The following COL25A1 variants were observed in gnomAD, a reference collection of about 807,000 sequenced individuals.
COL25A1 encodes the protein collagen alpha-1(XXV) chain.
In COL25A1, 103 loss-of-function variants were observed where a neutral mutation model predicts 128.4. That is an observed-to-expected ratio of 0.80 (90% CI 0.68 to 0.94). The LOEUF (loss-of-function observed/expected upper bound fraction) is 0.94. Among genes scored for constraint, COL25A1 ranks in the 40% least tolerant of loss-of-function variants. The pLI, the probability that COL25A1 is intolerant of heterozygous loss-of-function variation, is 0.00. For synonymous variants in COL25A1, 279 were observed against 277.2 expected (o/e 1.01, Z -0.06); for missense variants, 745 against 840.0 (o/e 0.89, Z 1.40).
chr4:109,170,165 T>C (rs1041479828), intron 3 of COL25A1, among the ~76,000 whole-genome samples: 3 of 152,094 alleles, frequency 2.0e-5, no homozygotes, highest in Admixed American at 6.6e-5. Context: ...AAGGAGAAAA[T>C]TAAACAGTAT....
rs572880154 is a variant in COL25A1 at position 108,973,103 on chromosome 4, G to A, written c.492+1264C>T. On this transcript the variant is annotated intron_variant, in intron 8 of 37. Coordinates refer to ENST00000399132, the MANE Select transcript of COL25A1 (RefSeq NM_198721.4). The stretch of plus-strand genomic sequence containing the variant: ...GGAAGTTGAGTGATTTTGATATTGC[G>A]TGTAGAAAGAAATGATACTCGATAT... Among the ~76,000 whole-genome samples the A allele has an allele frequency of 2.9e-3, 438 of 152,246 alleles. 1 individual carries two copies. The highest frequency in any genetic ancestry group is 0.01 in the Middle Eastern group (3 of 294).
At chr4:108,967,987 C>T (rs770872729) in intron 8 of COL25A1, among the ~76,000 whole-genome samples, 1 of 152,132 alleles carries the variant, frequency 6.6e-6, no homozygotes, top group Non-Finnish European at 1.5e-5. Flanking sequence ...AGATAAAGCA[C>T]CATCCCAACC....
intron 3 of COL25A1, among the ~76,000 whole-genome samples, chr4:109,269,406 T>C (rs1269359068): frequency 1.2e-4 from 17 of 146,192 alleles, no homozygotes; most frequent in Non-Finnish European, 2.5e-4. Flanking sequence ...TGTGCATGTG[T>C]CTTTATAGCA....
intron 8 of COL25A1, among the ~76,000 whole-genome samples, chr4:108,947,031 G>C (rs1748841641): frequency 6.6e-6 from 1 of 152,134 alleles, no homozygotes; most frequent in Non-Finnish European, 1.5e-5. Flanking sequence ...GGGAACACAA[G>C]GAAGAGGCTT....
chr4:109,048,265 T>G, intron 4 of COL25A1, 90 bp from the exon 5 acceptor site: 1 of 1,256,094 alleles, frequency 8.0e-7, no homozygotes, highest in Admixed American at 1.7e-5. Flanking sequence ...ATGAGCATAA[T>G]CATCAGCATG....
intron 3 of COL25A1, among the ~76,000 whole-genome samples, chr4:109,150,012 GTA>G (rs1477222568): frequency 4.0e-5 from 6 of 150,624 alleles, no homozygotes; most frequent in East Asian, 4.0e-4. Context: ...GTGTGTGTGT[GTA>G]TGTATCTGTG....
chr4:108,852,189 T>A (rs1735863423), intron 26 of COL25A1, 47 bp downstream of exon 26: 2 of 1,411,680 alleles, frequency 1.4e-6, no homozygotes, highest in African/African-American at 2.8e-5. Context: ...AATACGGTAT[T>A]CCCTGCACTG....
At chr4:109,301,276 T>TTA in intron 2 of COL25A1, among the ~76,000 whole-genome samples, 1 of 152,324 alleles carries the variant, frequency 6.6e-6, no homozygotes, top group South Asian at 2.1e-4. Context: ...TGATTTTAAA[T>TTA]TATATATGAC....
chr4:108,859,596 T>C, intron 24 of COL25A1, 60 bp downstream of exon 24: 2 of 1,420,942 alleles, frequency 1.4e-6, no homozygotes, highest in Non-Finnish European at 2.0e-6. Context: ...TTGCACACAT[T>C]ACATGGGTGC....
intron 3 of COL25A1, among the ~76,000 whole-genome samples, chr4:109,212,910 T>C (rs1360895898): frequency 1.3e-5 from 2 of 152,144 alleles, no homozygotes; most frequent in Non-Finnish European, 1.5e-5. Context: ...AGTATAAGAA[T>C]TAGTGACATA....
chr4:109,132,255 A>G (rs910910801), intron 3 of COL25A1, among the ~76,000 whole-genome samples: 1 of 152,112 alleles, frequency 6.6e-6, no homozygotes, highest in Non-Finnish European at 1.5e-5. Flanking sequence ...ATGCATACAC[A>G]CACATAAATT....
chr4:109,212,762 T>C (rs180921674), intron 3 of COL25A1, among the ~76,000 whole-genome samples: 1 of 152,320 alleles, frequency 6.6e-6, no homozygotes, highest in African/African-American at 2.4e-5. Flanking sequence ...TATCTTTTGC[T>C]TTTAAAATTT....
At chr4:109,137,486 C>A (rs766787291) in intron 3 of COL25A1, among the ~76,000 whole-genome samples, 1 of 152,086 alleles carries the variant, frequency 6.6e-6, no homozygotes. Context: ...TGGACCACTG[C>A]CTTAGTTGAG....
chr4:108,870,431 C>T (rs1241780766), intron 19 of COL25A1, among the ~76,000 whole-genome samples: 3 of 147,076 alleles, frequency 2.0e-5, no homozygotes, highest in African/African-American at 5.2e-5. Flanking sequence ...CCCTGGTGCT[C>T]ATGAGACTGA....
At position 108,900,015 on chromosome 4, in the gene COL25A1, C is replaced by T. The variant is rs1023218724; in HGVS notation, c.835-835G>A. On this transcript the variant is annotated intron_variant, in intron 14 of 37. Coordinates refer to ENST00000399132, the MANE Select transcript of COL25A1 (RefSeq NM_198721.4). Reference sequence around the variant, plus strand: ...TGAATGTTGCCATAAGATCAGACTGCTTTGGAAAAAAAATGAAATAAGGCA... The same window carrying T: ...TGAATGTTGCCATAAGATCAGACTGTTTTGGAAAAAAAATGAAATAAGGCA... Among the ~76,000 whole-genome samples, 13 of 151,856 alleles carry T rather than the reference C, an allele frequency of 8.6e-5. No homozygotes were observed. The East Asian group carries it at 2.5e-3, about 29-fold the overall frequency.
intron 3 of COL25A1, among the ~76,000 whole-genome samples, chr4:109,290,244 A>G (rs181585598): frequency 2.9e-4 from 44 of 152,258 alleles, no homozygotes; most frequent in African/African-American, 1.0e-3. Context: ...ATTTTTTGCT[A>G]TAAAAATAAA....
At chr4:108,973,724 G>A (rs1393245900) in intron 8 of COL25A1, among the ~76,000 whole-genome samples, 2 of 152,196 alleles carry the variant, frequency 1.3e-5, no homozygotes, top group Non-Finnish European at 2.9e-5. Flanking sequence ...AGGCACAGAT[G>A]TGAAGTAGAG....
chr4:109,213,091 G>A (rs1466971605), intron 3 of COL25A1, among the ~76,000 whole-genome samples: 4 of 152,106 alleles, frequency 2.6e-5, no homozygotes, highest in Admixed American at 2.6e-4. Context: ...ATCAGTATGT[G>A]CTTAAAAACA....
chr4:108,871,562 C>T (rs1166155489), intron 19 of COL25A1, among the ~76,000 whole-genome samples: 1 of 152,110 alleles, frequency 6.6e-6, no homozygotes, highest in Non-Finnish European at 1.5e-5. Context: ...GTGATCCGCC[C>T]GTCTCGGCCT....
Sources: gnomAD v4.1 joint callset for allele counts (sites outside exome capture counted in the v4.1 genomes callset) on GRCh38, gnomAD v4.1.1 for gene constraint, MANE v1.5 for transcripts, NCBI Gene and HGNC (gene_info 2026-07-23, HGNC 2026-07-21) for gene names.